The following RYR2 variants were observed in gnomAD, a reference collection of about 807,000 sequenced individuals.
RYR2 encodes the protein cardiac muscle ryanodine receptor-calcium release channel.
In RYR2, 227 loss-of-function variants were observed where a neutral mutation model predicts 601.1. The ratio of observed to expected loss-of-function variants is 0.38; its 90% CI spans 0.34 to 0.42. The LOEUF is 0.42. Ranked by LOEUF, RYR2 falls within the 10% of genes least tolerant of loss-of-function variation. The pLI is 1.00. For synonymous variants in RYR2, 2,223 were observed against 2,175.1 expected, an observed-to-expected ratio of 1.02 and a Z score of -0.61; for missense variants, 4,646 against 6,156.5, an observed-to-expected ratio of 0.75 and a Z score of 8.21.
At chr1:237,713,364 C>T (rs1405796909) in intron 71 of RYR2, among the ~76,000 whole-genome samples, 1 of 152,092 alleles carries the variant, frequency 6.6e-6, no homozygotes, top group Non-Finnish European at 1.5e-5. Flanking sequence ...CAAATTTTCT[C>T]AAACTAAAAA....
intron 92 of RYR2, among the ~76,000 whole-genome samples, chr1:237,788,721 C>A (rs1289632449): frequency 6.6e-6 from 1 of 152,142 alleles, no homozygotes; most frequent in Non-Finnish European, 1.5e-5. Flanking sequence ...AGAGGGATTA[C>A]AGTTCTTTAT....
At chr1:237,283,052 GT>G (rs1252307811) in intron 2 of RYR2, among the ~76,000 whole-genome samples, 1 of 152,198 alleles carries the variant, frequency 6.6e-6, no homozygotes, top group Non-Finnish European at 1.5e-5. Context: ...TAAACCTCCA[GT>G]TGGGTTTTAA....
intron 74 of RYR2, among the ~76,000 whole-genome samples, chr1:237,723,912 T>C (rs1192917373): frequency 6.6e-6 from 1 of 152,014 alleles, no homozygotes; most frequent in Admixed American, 6.6e-5. Flanking sequence ...TGAAACATTA[T>C]CAATGGGAGG....
chr1:237,821,663 C>T (rs2794837), intron 101 of RYR2, among the ~76,000 whole-genome samples: 29,041 of 151,594 alleles, frequency 0.19, 3,397 homozygotes, highest in East Asian at 0.56. Flanking sequence ...CAAAACTGGA[C>T]GGAAAATGAG....
At chr1:237,219,542 T>G (rs887952604) in intron 1 of RYR2, among the ~76,000 whole-genome samples, 17 of 152,160 alleles carry the variant, frequency 1.1e-4, no homozygotes, top group African/African-American at 3.4e-4. Flanking sequence ...CTGAAATAAT[T>G]ACTAACAAAG....
intron 1 of RYR2, among the ~76,000 whole-genome samples, chr1:237,104,126 TC>T (rs1668417963): frequency 1.3e-5 from 2 of 152,082 alleles, no homozygotes; most frequent in South Asian, 4.1e-4. Flanking sequence ...CGCCCATCCA[TC>T]TCCCACCTTT....
chr1:237,124,942 AAG>A (rs1230245974), intron 1 of RYR2, among the ~76,000 whole-genome samples: 2 of 152,200 alleles, frequency 1.3e-5, no homozygotes, highest in Admixed American at 6.5e-5. Flanking sequence ...GAGTTTTTAA[AAG>A]AGAAATAAAG....
chr1:237,173,587 G>A (rs1027812087), intron 1 of RYR2, among the ~76,000 whole-genome samples: 3 of 152,158 alleles, frequency 2.0e-5, no homozygotes, highest in Admixed American at 6.5e-5. Flanking sequence ...AGCTGGGTCA[G>A]GTGAGTCTTT....
At position 237,197,450 on chromosome 1, in the gene RYR2, T is replaced by A. The variant is rs1462537386; in HGVS notation, c.49-73047T>A. ...GTGTCTTAATATCTTAATTGTATATTTCTTAATTATGTAATCATGTAATAT... is the reference window on the plus strand; with the variant it reads ...GTGTCTTAATATCTTAATTGTATATATCTTAATTATGTAATCATGTAATAT... On this transcript the variant is annotated intron_variant, in intron 1 of 104. Coordinates refer to ENST00000366574, the MANE Select transcript of RYR2 (RefSeq NM_001035.3). Among the ~76,000 whole-genome samples, 4 of 152,354 alleles carry A rather than the reference T, an allele frequency of 2.6e-5. No homozygotes were observed. In the East Asian group the frequency reaches 7.7e-4, roughly 29 times the overall value.
intron 24 of RYR2, among the ~76,000 whole-genome samples, chr1:237,516,241 G>A (rs1394885600): frequency 6.6e-6 from 1 of 152,098 alleles, no homozygotes; most frequent in African/African-American, 2.4e-5. Flanking sequence ...CTCCCGAGTA[G>A]CTGGGATTAC....
intron 79 of RYR2, among the ~76,000 whole-genome samples, chr1:237,735,077 C>G (rs1035931413): frequency 1.3e-5 from 2 of 152,112 alleles, no homozygotes; most frequent in African/African-American, 4.8e-5. Context: ...GAGCTAGAAG[C>G]TATAGGACTT....
At position 237,458,297 on chromosome 1, in the gene RYR2, C is replaced by T. The variant is rs183326557; in HGVS notation, c.1612+1562C>T. On this transcript the variant is annotated intron_variant, in intron 16 of 104. Coordinates refer to ENST00000366574, the MANE Select transcript of RYR2 (RefSeq NM_001035.3). ...ACAAAAAATTAGCCGAGCGTGGTGG[C>T]GGGAGCCTGTAACCCCAGCTACTCA... 5.3e-5 allele frequency among the ~76,000 whole-genome samples: 8 copies of T among 152,112 alleles called. No individual in the cohort carries two copies. The East Asian group carries it at 1.4e-3, about 26-fold the overall frequency.
chr1:237,249,177 G>C (rs919825487), intron 1 of RYR2, among the ~76,000 whole-genome samples: 1 of 152,122 alleles, frequency 6.6e-6, no homozygotes, highest in Admixed American at 6.5e-5. Flanking sequence ...ATTTTGATGA[G>C]AACCTTTAGA....
chr1:237,049,814 G>A (rs184309668), intron 1 of RYR2, among the ~76,000 whole-genome samples: 211 of 152,216 alleles, frequency 1.4e-3, no homozygotes, highest in African/African-American at 4.8e-3. Flanking sequence ...ACTTAGGTTC[G>A]GATCCATTTA....
Position 237,211,862 on chromosome 1 carries a change from G to A in RYR2, c.49-58635G>A, listed in dbSNP as rs549998556. 3.3e-5 allele frequency among the ~76,000 whole-genome samples: 5 copies of A among 152,292 alleles called. No homozygotes were observed. In the South Asian group the frequency reaches 1.0e-3, roughly 32 times the overall value. On this transcript the variant is annotated intron_variant, in intron 1 of 104. Coordinates refer to ENST00000366574, the MANE Select transcript of RYR2 (RefSeq NM_001035.3). ...ATTTACTCCTGAGGATGGTTGATAAGTAGGATACCTACTCGAGGGAGGTGT... is the reference window on the plus strand; with the variant it reads ...ATTTACTCCTGAGGATGGTTGATAAATAGGATACCTACTCGAGGGAGGTGT...
chr1:237,604,875 G>A (rs1360642908), intron 35 of RYR2, among the ~76,000 whole-genome samples: 1 of 152,110 alleles, frequency 6.6e-6, no homozygotes, highest in Admixed American at 6.5e-5. Context: ...AAACCAGGAA[G>A]AAGTTGAATC....
chr1:237,287,591 C>T (rs1027814484), intron 2 of RYR2, among the ~76,000 whole-genome samples: 3 of 152,148 alleles, frequency 2.0e-5, no homozygotes, highest in African/African-American at 4.8e-5. Flanking sequence ...TCTACTTGTT[C>T]AATTCTATTG....
chr1:237,335,443 A>T (rs1331245344), intron 3 of RYR2, among the ~76,000 whole-genome samples: 1 of 152,224 alleles, frequency 6.6e-6, no homozygotes, highest in African/African-American at 2.4e-5. Flanking sequence ...AAATTTACTG[A>T]AAGTTCTTTT....
chr1:237,374,557 C>G lies in RYR2; in HGVS notation c.385-160C>G, dbSNP rs1245348491. Among the ~76,000 whole-genome samples, 3 of 152,252 alleles carry G rather than the reference C, an allele frequency of 2.0e-5. No homozygotes were observed. The East Asian group carries it at 5.8e-4, about 29-fold the overall frequency. On this transcript the variant is annotated intron_variant, in intron 6 of 104. Coordinates refer to ENST00000366574, the MANE Select transcript of RYR2 (RefSeq NM_001035.3). ...CCTGTAGTCCCAGCTGCTCAGGAGGCTGAGGTGGGATGACTGCTTGAGCCC... is the reference window on the plus strand; with the variant it reads ...CCTGTAGTCCCAGCTGCTCAGGAGGGTGAGGTGGGATGACTGCTTGAGCCC...
Sources: allele counts gnomAD v4.1 joint callset (sites outside exome capture counted in the v4.1 genomes callset), GRCh38; gene constraint gnomAD v4.1.1; transcripts MANE v1.5; gene names NCBI Gene and HGNC (gene_info 2026-07-23, HGNC 2026-07-21).